Variants in COL11A1 observed in about 807,000 individuals in gnomAD.
COL11A1 encodes the protein collagen type XI alpha 1 chain, also known as collagen alpha-1(XI) chain.
A neutral mutation model predicts 265.2 loss-of-function variants in COL11A1; 74 were observed. The observed-to-expected ratio is 0.28, with a 90% CI of 0.23 to 0.34. The LOEUF (loss-of-function observed/expected upper bound fraction) is 0.34. Among genes scored for constraint, COL11A1 ranks in the 10% least tolerant of loss-of-function variants. The probability of loss-of-function intolerance (pLI) is 1.00; values close to 1 mark genes in which losing one functional copy is unlikely to be tolerated. For missense variants in COL11A1, 2,165 were observed against 2,263.6 expected (o/e 0.96, Z 0.88); for synonymous variants, 816 against 727.6 (o/e 1.12, Z -1.96).
chr1:103,071,395 A>G (rs900598140), intron 4 of COL11A1, among the ~76,000 whole-genome samples: 19 of 146,998 alleles, frequency 1.3e-4, no homozygotes, highest in Non-Finnish European at 2.6e-4. Flanking sequence ...TTTCTAATTT[A>G]ATTTTCCTCA....
intron 41 of COL11A1, among the ~76,000 whole-genome samples, chr1:102,947,817 T>G (rs1659455456): frequency 6.6e-6 from 1 of 151,914 alleles, no homozygotes; most frequent in Non-Finnish European, 1.5e-5. Flanking sequence ...TCAAGTATAA[T>G]CTATTTCTAC....
intron 14 of COL11A1, among the ~76,000 whole-genome samples, chr1:103,008,838 A>G (rs1461504821): frequency 2.0e-5 from 3 of 152,176 alleles, no homozygotes; most frequent in South Asian, 4.1e-4. Flanking sequence ...ACAAAGCATT[A>G]TTTATGACTA....
intron 14 of COL11A1, among the ~76,000 whole-genome samples, 170 bp downstream of exon 14, chr1:103,012,243 A>C (rs1666191277): frequency 6.6e-6 from 1 of 151,990 alleles, no homozygotes; most frequent in African/African-American, 2.4e-5. Context: ...TTTGATCAAA[A>C]TGTACAGAAA....
chr1:102,904,472 T>G (rs1653644982), intron 54 of COL11A1, among the ~76,000 whole-genome samples: 1 of 151,922 alleles, frequency 6.6e-6, no homozygotes, highest in Non-Finnish European at 1.5e-5. Context: ...TGCAACCTAC[T>G]TATCTGACAA....
At chr1:102,935,464 G>C (rs1477650158) in intron 44 of COL11A1, among the ~76,000 whole-genome samples, 1 of 152,126 alleles carries the variant, frequency 6.6e-6, no homozygotes, top group Admixed American at 6.5e-5. Flanking sequence ...AATATGATTA[G>C]GAAAGGGCCC....
chr1:102,893,407 A>G (rs1235946026), intron 57 of COL11A1, among the ~76,000 whole-genome samples: 2 of 152,126 alleles, frequency 1.3e-5, no homozygotes, highest in African/African-American at 2.4e-5. Flanking sequence ...ATCAGTTTTT[A>G]TTTTCATCAG....
In COL11A1 at chr1:102,912,201, G is replaced by A. The variant is rs747731622; in HGVS notation, c.4044C>T (p.Gly1348=). 5 of 1,610,442 alleles carry A rather than the reference G, an allele frequency of 3.1e-6. No individual in the cohort carries two copies. The highest frequency in any genetic ancestry group is 4.2e-6 in the Non-Finnish European group (5 of 1,178,526). Reference sequence around the variant, plus strand: ...CTGGTGGGCCAGCCTCACCAGATGGGCCAGGAGGACCCTATAAAATGTGAA... The same window carrying A: ...CTGGTGGGCCAGCCTCACCAGATGGACCAGGAGGACCCTATAAAATGTGAA... ...DGDPGQPGPP[G]PSGEAGPPGP... Residue 1348 remains glycine (G), a synonymous_variant, in exon 54 of 67, where the codon GGC becomes GGT. Transcript: ENST00000370096.
intron 50 of COL11A1, among the ~76,000 whole-genome samples, chr1:102,915,052 G>T (rs779942762): frequency 5.9e-5 from 9 of 152,078 alleles, no homozygotes; most frequent in Non-Finnish European, 1.0e-4. Context: ...CTACAGGCAC[G>T]CGCCACCAGG....
chr1:102,947,073 G>T, intron 41 of COL11A1, 117 bp from the exon 42 acceptor site: 1 of 902,436 alleles, frequency 1.1e-6, no homozygotes, highest in Non-Finnish European at 1.7e-6. Context: ...AACATTTAGA[G>T]TTTAGATAAT....
intron 4 of COL11A1, among the ~76,000 whole-genome samples, chr1:103,056,473 C>G (rs1416343347): frequency 6.6e-6 from 1 of 152,128 alleles, no homozygotes; most frequent in Non-Finnish European, 1.5e-5. Flanking sequence ...CAAGGAGACT[C>G]AGTCATGGGG....
At chr1:102,954,905 T>G (rs776897101) in intron 41 of COL11A1, among the ~76,000 whole-genome samples, 41 of 151,788 alleles carry the variant, frequency 2.7e-4, no homozygotes, top group Non-Finnish European at 4.4e-5. Flanking sequence ...GTACTTTCAC[T>G]CTCTACATGA....
At position 103,014,539 on chromosome 1, in the gene COL11A1, T is replaced by C. The variant is rs1666402093; in HGVS notation, c.1544A>G (p.Gln515Arg). The C allele has an allele frequency of 6.2e-7, 1 of 1,613,788 alleles. No individual in the cohort carries two copies. Among genetic ancestry groups the C allele is most frequent in the Non-Finnish European group, 8.5e-7 (1 of 1,179,760 alleles). ...AGCCTGCTGAAGAATAGCTTGAGCCTGAGCTTCCTGAGCAGAGATGGTTGG... is the reference window on the plus strand; with the variant it reads ...AGCCTGCTGAAGAATAGCTTGAGCCCGAGCTTCCTGAGCAGAGATGGTTGG... ...KGPTISAQEA[Q>R]AQAILQQARI... Residue 515 changes from glutamine to arginine, a missense_variant, in exon 13 of 67, where the codon CAG (glutamine) becomes CGG (arginine). Coordinates refer to ENST00000370096, the MANE Select transcript of COL11A1 (RefSeq NM_001854.4).
At chr1:102,981,950 A>G (rs1663080438) in intron 31 of COL11A1, among the ~76,000 whole-genome samples, 1 of 151,864 alleles carries the variant, frequency 6.6e-6, no homozygotes, top group Non-Finnish European at 1.5e-5. Flanking sequence ...TGGTAAAGGC[A>G]TTTCATTTTA....
chr1:102,997,493 TA>T (rs1664741360), intron 25 of COL11A1, among the ~76,000 whole-genome samples: 1 of 152,006 alleles, frequency 6.6e-6, no homozygotes, highest in Non-Finnish European at 1.5e-5. Context: ...CAAATGATCA[TA>T]CATGCACCTT....
Position 102,889,591 on chromosome 1 carries a change from A to C in COL11A1, c.4357-29T>G. 2.8e-6 allele frequency: 4 copies of C among 1,445,958 alleles called. No individual in the cohort carries two copies. The South Asian group carries it at 4.6e-5, about 16-fold the overall frequency. The allele number at this position is 1,445,958 out of a possible 1,614,324, so 89.6% of individuals were successfully genotyped here. A position where few individuals can be genotyped will look rare whatever the true frequency, so the allele number is the denominator to read the frequency against. ...TGAAAGGCAGAGAAAAAAAATAATA[A>C]CATGTACATTACTATCTTCATAAAA... On this transcript the variant is annotated intron_variant, in intron 58 of 66. Coordinates refer to ENST00000370096, the MANE Select transcript of COL11A1 (RefSeq NM_001854.4).
intron 14 of COL11A1, among the ~76,000 whole-genome samples, chr1:103,010,468 T>A (rs1029938043): frequency 6.6e-6 from 1 of 152,146 alleles, no homozygotes; most frequent in Non-Finnish European, 1.5e-5. Context: ...CCTATGACTT[T>A]GAGAATGTGT....
At chr1:103,027,518 T>C (rs1257489246) in intron 5 of COL11A1, among the ~76,000 whole-genome samples, 2 of 148,658 alleles carry the variant, frequency 1.3e-5, no homozygotes, top group African/African-American at 4.9e-5. Flanking sequence ...ATATGTATAC[T>C]TAATATATAT....
intron 46 of COL11A1, among the ~76,000 whole-genome samples, chr1:102,929,827 C>CT (rs1392664844): frequency 1.7e-4 from 25 of 149,318 alleles, no homozygotes; most frequent in African/African-American, 5.6e-4. Context: ...AGTTGGATTC[C>CT]TAGGTATTTT....
chr1:103,046,510 T>G (rs1557992045), intron 4 of COL11A1, among the ~76,000 whole-genome samples: 1 of 151,836 alleles, frequency 6.6e-6, no homozygotes, highest in African/African-American at 2.4e-5. Flanking sequence ...TATTAGCCCT[T>G]TGTCAGATGA....
Sources: allele counts gnomAD v4.1 joint callset (sites outside exome capture counted in the v4.1 genomes callset), GRCh38; gene constraint gnomAD v4.1.1; transcripts MANE v1.5; gene names NCBI Gene and HGNC (gene_info 2026-07-23, HGNC 2026-07-21).